STS: variants seen among roughly 807,000 people sequenced by gnomAD.
STS encodes the protein steryl-sulfatase.
Under a neutral mutation model 26.8 loss-of-function variants are expected in STS, and 7 were observed. The ratio of observed to expected loss-of-function variants is 0.26; its 90% confidence interval spans 0.15 to 0.49. The LOEUF is 0.49. Among genes scored for constraint, STS ranks in the 20% least tolerant of loss-of-function variants. The pLI is 0.98. For synonymous variants in STS, 199 were observed against 189.4 expected (o/e 1.05, Z -0.42); for missense variants, 434 against 465.6 (o/e 0.93, Z 0.63).
chrX:7,304,382 A>T (rs1411793951), intron 7 of STS, among the ~76,000 whole-genome samples: 2 of 111,199 alleles, frequency 1.8e-5, no homozygotes, highest in African/African-American at 6.5e-5. Flanking sequence ...TTGAGGGGTT[A>T]TCTGGAGGTG....
At chrX:7,216,376 C>T (rs191599986) in intron 2 of STS, among the ~76,000 whole-genome samples, 43 of 111,635 alleles carry the variant, frequency 3.9e-4, no homozygotes, top group Non-Finnish European at 1.9e-4. Flanking sequence ...GTCCAAAAGT[C>T]TCCCCGGTTG....
intron 2 of STS, among the ~76,000 whole-genome samples, chrX:7,246,965 A>T (rs1922913620): frequency 1.8e-5 from 2 of 113,187 alleles, no homozygotes; most frequent in African/African-American, 6.4e-5. Context: ...TAAATAAGAC[A>T]TAAGTGTGTC....
At chrX:7,262,550 T>G (rs1470201498) in intron 6 of STS, among the ~76,000 whole-genome samples, 1 of 112,233 alleles carries the variant, frequency 8.9e-6, no homozygotes. Flanking sequence ...AAATTTGTTT[T>G]AAAGCTGAGG....
At chrX:7,149,561 T>C (rs1305406598) in intron 1 of STS, among the ~76,000 whole-genome samples, 1 of 112,084 alleles carries the variant, frequency 8.9e-6, no homozygotes, top group African/African-American at 3.2e-5. Context: ...TATGAGCAAA[T>C]TAGGTAGGGA....
At chrX:7,296,825 A>G (rs1280223588) in intron 7 of STS, among the ~76,000 whole-genome samples, 1 of 112,380 alleles carries the variant, frequency 8.9e-6, no homozygotes, top group African/African-American at 3.2e-5. Context: ...ATCACACATT[A>G]CGACTGCCAT....
At chrX:7,162,498 C>A (rs1287079014) in intron 1 of STS, among the ~76,000 whole-genome samples, 1 of 110,444 alleles carries the variant, frequency 9.1e-6, no homozygotes. Flanking sequence ...TTCCTCTTGG[C>A]GGTTCCAAGA....
At chrX:7,330,884 T>C (rs1422052569) in intron 9 of STS, among the ~76,000 whole-genome samples, 1 of 112,463 alleles carries the variant, frequency 8.9e-6, no homozygotes, top group African/African-American at 3.2e-5. Context: ...TAAGATTCCC[T>C]TTAATTTATT....
At chrX:7,213,501 C>CA (rs1921117321) in intron 2 of STS, among the ~76,000 whole-genome samples, 1 of 111,630 alleles carries the variant, frequency 9.0e-6, no homozygotes, top group African/African-American at 3.3e-5. Context: ...CAAAGGCAGA[C>CA]AGGTGGACAG....
At chrX:7,345,190 A>G (rs1928472975) in intron 10 of STS, among the ~76,000 whole-genome samples, 1 of 111,581 alleles carries the variant, frequency 9.0e-6, no homozygotes, top group Non-Finnish European at 1.9e-5. Flanking sequence ...CAACAAAAAG[A>G]TGCAGATGAA....
intron 7 of STS, among the ~76,000 whole-genome samples, chrX:7,299,004 ATATTTATATATATATAAATATATTT>A (rs1194306338): frequency 3.8e-5 from 3 of 78,253 alleles, no homozygotes; most frequent in African/African-American, 4.9e-5. Context: ...AAATAATTAT[ATATTTATATATATATAAATATATTT>A]TATTTATATA....
intron 8 of STS, among the ~76,000 whole-genome samples, chrX:7,313,402 A>G (rs867933393): frequency 8.9e-6 from 1 of 112,296 alleles, no homozygotes; most frequent in Non-Finnish European, 1.9e-5. Context: ...CTGTCATTCA[A>G]TAACACAGCT....
chrX:7,269,435 T>G (rs1924165551), intron 6 of STS, among the ~76,000 whole-genome samples: 1 of 107,937 alleles, frequency 9.3e-6, no homozygotes, highest in African/African-American at 3.4e-5. Context: ...TGTCATGCTA[T>G]GTGAACCATT....
intron 5 of STS, among the ~76,000 whole-genome samples, chrX:7,258,595 A>G (rs1923564162): frequency 8.9e-6 from 1 of 111,938 alleles, no homozygotes; most frequent in South Asian, 3.7e-4. Context: ...AGCAGGCCAT[A>G]AAATGAATCC....
At chrX:7,302,551 G>A (rs1228230493) in intron 7 of STS, among the ~76,000 whole-genome samples, 1 of 111,755 alleles carries the variant, frequency 8.9e-6, no homozygotes, top group Non-Finnish European at 1.9e-5. Flanking sequence ...CATATATGGT[G>A]TGGGTTCTGG....
intron 10 of STS, among the ~76,000 whole-genome samples, chrX:7,343,318 C>A (rs185142926): frequency 4.9e-4 from 55 of 111,550 alleles, no homozygotes; most frequent in African/African-American, 1.8e-3. Flanking sequence ...CTTTAAGAAT[C>A]CTTAGCAGAA....
intron 7 of STS, among the ~76,000 whole-genome samples, chrX:7,276,420 A>G (rs1924540698): frequency 9.0e-6 from 1 of 110,673 alleles, no homozygotes. Context: ...GCACTGAGCT[A>G]TGATTGCACC....
intron 10 of STS, among the ~76,000 whole-genome samples, chrX:7,337,603 A>G (rs1321430882): frequency 8.9e-6 from 1 of 112,398 alleles, no homozygotes; most frequent in African/African-American, 3.2e-5. Flanking sequence ...TAGAAAATAG[A>G]AAAAAAGAAA....
At chrX:7,251,964 A>T (rs1923160815) in intron 2 of STS, among the ~76,000 whole-genome samples, 2 of 110,614 alleles carry the variant, frequency 1.8e-5, no homozygotes, top group Admixed American at 1.9e-4. Context: ...CCTGTCTCAA[A>T]TTTTTTTAAA....
intron 8 of STS, among the ~76,000 whole-genome samples, chrX:7,320,070 A>T (rs1302849812): frequency 3.3e-5 from 3 of 90,034 alleles, no homozygotes; most frequent in Admixed American, 2.7e-4. Flanking sequence ...TATATTTTAT[A>T]TATATTTTAT....
Sources: gnomAD v4.1 joint callset for allele counts (sites outside exome capture counted in the v4.1 genomes callset) on GRCh38, gnomAD v4.1.1 for gene constraint, MANE v1.5 for transcripts, NCBI Gene and HGNC (gene_info 2026-07-23, HGNC 2026-07-21) for gene names.